SND1: variants seen among roughly 807,000 people sequenced by gnomAD.
The protein encoded by SND1 is staphylococcal nuclease and tudor domain containing 1.
In SND1, 38 loss-of-function variants were observed where a neutral mutation model predicts 121.7. The observed-to-expected ratio is 0.31, with a 90% CI of 0.24 to 0.41. The LOEUF is 0.41. Ranked by LOEUF, SND1 falls within the 10% of genes least tolerant of loss-of-function variation. The probability of loss-of-function intolerance (pLI) is 1.00; values close to 1 mark genes in which losing one functional copy is unlikely to be tolerated. For synonymous variants in SND1, 401 were observed against 447.4 expected (o/e 0.90, Z 1.31); for missense variants, 868 against 1,184.6 (o/e 0.73, Z 3.92).
intron 1 of SND1, 118 bp downstream of exon 1, chr7:127,652,569 C>T (rs1795141219): frequency 3.5e-6 from 3 of 851,598 alleles, no homozygotes; most frequent in Admixed American, 2.9e-5. Context: ...TGCCCCCTTC[C>T]TCACTTTTCG....
chr7:127,737,061 G>A (rs1488017151), intron 10 of SND1, among the ~76,000 whole-genome samples: 1 of 152,088 alleles, frequency 6.6e-6, no homozygotes, highest in African/African-American at 2.4e-5. Flanking sequence ...GTAAGTGTAT[G>A]TAAAGCAATT....
Position 128,092,269 on chromosome 7 carries a change from G to A in SND1, c.*211G>A. 1.7e-6 allele frequency: 1 copy of A among 583,378 alleles called. No homozygotes were observed. The highest frequency in any genetic ancestry group is 3.0e-5 in the Admixed American group (1 of 33,518). The allele number at this position is 583,378 out of a possible 1,614,324, so 36.1% of individuals were successfully genotyped here. On this transcript the variant is annotated 3_prime_UTR_variant, in exon 24 of 24. Transcript: ENST00000354725. This position sits in a 1 kb window ranked among gnomAD's most constrained non-coding sequence, Gnocchi z 4.9. ...CAGACCCTTGTCCTCTGGGATGATGGGCACTGCTATCCACAGTCTCTGCCA... is the reference window on the plus strand; with the variant it reads ...CAGACCCTTGTCCTCTGGGATGATGAGCACTGCTATCCACAGTCTCTGCCA...
At chr7:127,845,562 C>T (rs1255726968) in intron 12 of SND1, among the ~76,000 whole-genome samples, 1 of 152,194 alleles carries the variant, frequency 6.6e-6, no homozygotes, top group African/African-American at 2.4e-5. Context: ...GTATAAATTA[C>T]AATAGTTATT....
intron 16 of SND1, among the ~76,000 whole-genome samples, chr7:128,021,688 AG>A (rs1803352654): frequency 6.6e-6 from 1 of 152,198 alleles, no homozygotes; most frequent in African/African-American, 2.4e-5. Flanking sequence ...GAGACCTTAA[AG>A]GAACTGTAAA....
intron 11 of SND1, among the ~76,000 whole-genome samples, chr7:127,829,070 T>G (rs1798694084): frequency 3.3e-5 from 5 of 152,194 alleles, no homozygotes; most frequent in Admixed American, 3.3e-4. Flanking sequence ...TAGCGATACA[T>G]TCAAACAGGG....
chr7:127,910,752 T>A (rs985917794), intron 14 of SND1, among the ~76,000 whole-genome samples: 2 of 152,192 alleles, frequency 1.3e-5, no homozygotes, highest in Non-Finnish European at 2.9e-5. Context: ...GCTAAAATCA[T>A]GGCCCTACAT....
At chr7:127,729,106 C>G (rs1796630147) in intron 10 of SND1, among the ~76,000 whole-genome samples, 1 of 152,088 alleles carries the variant, frequency 6.6e-6, no homozygotes, top group Non-Finnish European at 1.5e-5. Flanking sequence ...AGATTGAGTT[C>G]AGTCCACCAG....
intron 15 of SND1, among the ~76,000 whole-genome samples, chr7:127,942,583 T>G (rs933132006): frequency 6.6e-6 from 1 of 152,190 alleles, no homozygotes; most frequent in Non-Finnish European, 1.5e-5. Context: ...TTGTGCCATT[T>G]TGCTTTCCTC....
At chr7:127,990,200 A>G (rs1584720045) in intron 15 of SND1, among the ~76,000 whole-genome samples, 1 of 152,204 alleles carries the variant, frequency 6.6e-6, no homozygotes, top group East Asian at 1.9e-4. Flanking sequence ...AACCTTAAGA[A>G]GCGGATATAT....
chr7:127,661,260 C>A (rs2116234439), intron 1 of SND1, among the ~76,000 whole-genome samples: 1 of 152,292 alleles, frequency 6.6e-6, no homozygotes, highest in South Asian at 2.1e-4. Flanking sequence ...CAACTGACAG[C>A]TGAGAAGTTG....
chr7:128,000,629 A>T (rs1584728746), intron 16 of SND1, among the ~76,000 whole-genome samples: 1 of 152,102 alleles, frequency 6.6e-6, no homozygotes, highest in African/African-American at 2.4e-5. Flanking sequence ...TCAGCCTCCC[A>T]CAGTGCTGGG....
intron 16 of SND1, chr7:127,997,371 G>A (rs1802688830): frequency 3.8e-6 from 1 of 265,792 alleles, no homozygotes; most frequent in African/African-American, 2.2e-5. Flanking sequence ...TCTTCTATAG[G>A]GCATGGATTC....
intron 15 of SND1, among the ~76,000 whole-genome samples, chr7:127,971,698 C>T (rs1801991766): frequency 6.6e-6 from 1 of 151,582 alleles, no homozygotes; most frequent in South Asian, 2.1e-4. Context: ...GATACATTGT[C>T]ATTAAAATAA....
intron 3 of SND1, among the ~76,000 whole-genome samples, chr7:127,697,051 C>T (rs975482041): frequency 2.0e-5 from 3 of 152,132 alleles, no homozygotes; most frequent in Non-Finnish European, 4.4e-5. Context: ...TATTGCTACC[C>T]ACTTTTTTTT....
At chr7:127,680,673 G>T (rs1172537486) in intron 1 of SND1, among the ~76,000 whole-genome samples, 2 of 151,352 alleles carry the variant, frequency 1.3e-5, no homozygotes, top group African/African-American at 4.9e-5. Context: ...TTTTCAAGGT[G>T]CCCAGATTTC....
rs540722071 is a variant in SND1 at position 128,032,589 on chromosome 7, G to T, written c.1779+41533G>T. ...TGGCTCTGAAGAGCGGGGCTCAGGGGCCCGGCGGCCCGCGGCGGGGCTGCT... is the reference window on the plus strand; with the variant it reads ...TGGCTCTGAAGAGCGGGGCTCAGGGTCCCGGCGGCCCGCGGCGGGGCTGCT... On this transcript the variant is annotated intron_variant, in intron 16 of 23. Coordinates refer to ENST00000354725, the MANE Select transcript of SND1 (RefSeq NM_014390.4). 4.4e-3 allele frequency among the ~76,000 whole-genome samples: 671 copies of T among 152,046 alleles called. 9 individuals carry two copies. The highest frequency in any genetic ancestry group is 0.016 in the African/African-American group (645 of 41,502).
At chr7:127,719,691 T>A (rs958925165) in intron 9 of SND1, among the ~76,000 whole-genome samples, 1 of 152,186 alleles carries the variant, frequency 6.6e-6, no homozygotes, top group South Asian at 2.1e-4. Context: ...ATTAAAAATT[T>A]CTCCTGATCT....
At chr7:127,792,630 G>A (rs1797932311) in intron 10 of SND1, among the ~76,000 whole-genome samples, 1 of 152,208 alleles carries the variant, frequency 6.6e-6, no homozygotes, top group Admixed American at 6.5e-5. Context: ...GGGAGACCAT[G>A]TGAAGCTGGG....
At chr7:127,755,623 A>G (rs973214323) in intron 10 of SND1, among the ~76,000 whole-genome samples, 5 of 152,196 alleles carry the variant, frequency 3.3e-5, no homozygotes, top group African/African-American at 1.2e-4. Context: ...GAATGATAGG[A>G]TGGATGTGGA....
Sources: gnomAD v4.1 joint callset for allele counts (sites outside exome capture counted in the v4.1 genomes callset) on GRCh38, gnomAD v4.1.1 for gene constraint, Gnocchi (gnomAD v3.1) non-coding constraint, MANE v1.5 for transcripts, NCBI Gene and HGNC (gene_info 2026-07-23, HGNC 2026-07-21) for gene names.